The following PSMF1 variants were observed in gnomAD, a reference collection of about 807,000 sequenced individuals.
PSMF1 encodes the protein proteasome inhibitor subunit 1, also known as proteasome inhibitor PI31 subunit.
Under a neutral mutation model 29.3 loss-of-function variants are expected in PSMF1, and 30 were observed. The ratio of observed to expected loss-of-function variants is 1.02; its 90% CI spans 0.77 to 1.39. The LOEUF (loss-of-function observed/expected upper bound fraction) is 1.39, where lower values mean the gene tolerates loss of function less well. PSMF1 is among the 40% of genes most tolerant of loss of function. The pLI, the probability that PSMF1 is intolerant of heterozygous loss-of-function variation, is 0.00. For synonymous variants in PSMF1, 134 were observed against 139.7 expected (o/e 0.96, Z 0.29); for missense variants, 344 against 357.5 (o/e 0.96, Z 0.31).
rs1015347789 is a variant in PSMF1, at chr20:1,170,353, A to G, written c.*5273A>G. ...AGTCAGTCCTCTTGGTTAATGGCAC[A>G]TTATGATTAATGCATGCATGAACTC... On this transcript the variant is annotated 3_prime_UTR_variant, in exon 7 of 7. Transcript: ENST00000335877. Among the ~76,000 whole-genome samples the G allele has an allele frequency of 2.6e-5, 4 of 152,228 alleles. No individual in the cohort carries two copies. The highest frequency in any genetic ancestry group is 9.7e-5 in the African/African-American group (4 of 41,438).
chr20:1,165,726 T>A lies in PSMF1; in HGVS notation c.*646T>A. 9.9e-7 allele frequency: 1 copy of A among 1,006,194 alleles called. No homozygotes were observed. The highest frequency in any genetic ancestry group is 1.2e-6 in the Non-Finnish European group (1 of 841,644). 62.3% of individuals were successfully genotyped at this position (1,006,194 alleles called of 1,614,324 possible). ...ATGACTTTCACAAGGGCAGGAACAT[T>A]GTGGAAAGACTGCATCATTCTGATG... On this transcript the variant is annotated 3_prime_UTR_variant, in exon 7 of 7. Transcript: ENST00000335877.
At chr20:1,139,397 A>T (rs1297630516) in intron 4 of PSMF1, among the ~76,000 whole-genome samples, 1 of 152,198 alleles carries the variant, frequency 6.6e-6, no homozygotes, top group African/African-American at 2.4e-5. Flanking sequence ...CAATCACTCA[A>T]GAAAAATAAG....
At chr20:1,143,400 C>T (rs1799634655) in intron 4 of PSMF1, among the ~76,000 whole-genome samples, 1 of 152,200 alleles carries the variant, frequency 6.6e-6, no homozygotes, top group Non-Finnish European at 1.5e-5. Context: ...GAATGTCTTT[C>T]AGTAGATGAT....
intron 4 of PSMF1, among the ~76,000 whole-genome samples, chr20:1,149,499 G>A (rs2086498817): frequency 1.3e-5 from 2 of 152,170 alleles, no homozygotes; most frequent in Non-Finnish European, 2.9e-5. Flanking sequence ...TTGAAAACTT[G>A]AATTTTCTCA....
Position 1,165,717 on chromosome 20 carries a change from C to G in PSMF1, c.*637C>G. On this transcript the variant is annotated 3_prime_UTR_variant, in exon 7 of 7. Transcript: ENST00000335877. ...GCCACAAGAATGACTTTCACAAGGG[C>G]AGGAACATTGTGGAAAGACTGCATC... 2.0e-6 allele frequency: 2 copies of G among 1,005,280 alleles called. No individual in the cohort carries two copies. Among genetic ancestry groups the G allele is most frequent in the Non-Finnish European group, 1.2e-6 (1 of 841,050 alleles). 62.3% of individuals were successfully genotyped at this position (1,005,280 alleles called of 1,614,324 possible).
Position 1,164,627 on chromosome 20 carries a change from C to A in PSMF1, c.764+151C>A. 9.3e-7 allele frequency: 1 copy of A among 1,075,352 alleles called. No individual in the cohort carries two copies. The highest frequency in any genetic ancestry group is 1.3e-6 in the Non-Finnish European group (1 of 756,024). The allele number at this position is 1,075,352 out of a possible 1,614,324, so 66.6% of individuals were successfully genotyped here. On this transcript the variant is annotated intron_variant, in intron 6 of 6. Transcript: ENST00000335877. This position sits in a 1 kb window ranked among gnomAD's most constrained non-coding sequence, Gnocchi z 4.1. ...AGTGGAGCCTCCTCCAGGGCCCTGC[C>A]TGATTTCTCCCTGGAGCCTTCTAGG... is the stretch of plus-strand genomic sequence containing the variant.
intron 3 of PSMF1, among the ~76,000 whole-genome samples, chr20:1,134,445 C>T (rs1355045144): frequency 1.3e-5 from 2 of 152,078 alleles, no homozygotes; most frequent in African/African-American, 4.8e-5. Flanking sequence ...TATATGATTT[C>T]AGTTATTTTA....
Position 1,118,676 on chromosome 20 carries a change from A to G in PSMF1, c.-98A>G. On this transcript the variant is annotated 5_prime_UTR_variant, in exon 1 of 7. Transcript: ENST00000335877. The stretch of plus-strand genomic sequence containing the variant: ...TGTGGACTCGGCAAGAACCAGCGCA[A>G]GAGGGAAGCAGAGTTATAGCTACCC... 2.8e-6 allele frequency: 4 copies of G among 1,404,052 alleles called. No individual in the cohort carries two copies. The highest frequency in any genetic ancestry group is 2.4e-5 in the East Asian group (1 of 41,954). 87.0% of individuals were successfully genotyped at this position (1,404,052 alleles called of 1,614,324 possible).
At chr20:1,147,833 C>A (rs973583611) in intron 4 of PSMF1, among the ~76,000 whole-genome samples, 5 of 152,182 alleles carry the variant, frequency 3.3e-5, no homozygotes, top group Non-Finnish European at 7.3e-5. Context: ...TCCACCTTTT[C>A]CTTTCTCCCT....
rs146846541 is a variant in PSMF1, at chr20:1,169,057, A to G, written c.*3977A>G. On this transcript the variant is annotated 3_prime_UTR_variant, in exon 7 of 7. Transcript: ENST00000335877. ...TGGCTCTGGAGTTCCTAATCCCCAGATTGTAGCAATGATGATGTGATCCTG... is the reference window on the plus strand; with the variant it reads ...TGGCTCTGGAGTTCCTAATCCCCAGGTTGTAGCAATGATGATGTGATCCTG... Among the ~76,000 whole-genome samples the G allele has an allele frequency of 5.9e-3, 896 of 152,294 alleles. 6 individuals are homozygous for G. Among genetic ancestry groups the G allele is most frequent in the African/African-American group, 0.021 (859 of 41,556 alleles).
chr20:1,130,553 T>G (rs2086215435), intron 3 of PSMF1, among the ~76,000 whole-genome samples: 1 of 152,216 alleles, frequency 6.6e-6, no homozygotes, highest in Non-Finnish European at 1.5e-5. Context: ...CTGTTTATCT[T>G]TTGGTTACCG....
intron 3 of PSMF1, among the ~76,000 whole-genome samples, chr20:1,132,494 C>G (rs1488811882): frequency 2.6e-5 from 4 of 152,038 alleles, no homozygotes; most frequent in African/African-American, 7.2e-5. Context: ...CCAGGATGGT[C>G]TCGATCTCCT....
At chr20:1,147,178 A>G (rs6040140) in intron 4 of PSMF1, among the ~76,000 whole-genome samples, 15,540 of 116,558 alleles carry the variant, frequency 0.13, 873 homozygotes, top group African/African-American at 0.19. Context: ...CATCATCATC[A>G]CCACCCTGTG....
At chr20:1,148,129 G>T (rs1444608339) in intron 4 of PSMF1, among the ~76,000 whole-genome samples, 3 of 152,146 alleles carry the variant, frequency 2.0e-5, no homozygotes, top group African/African-American at 7.2e-5. Context: ...TTGTTTCCCT[G>T]TGTGTGTAGT....
chr20:1,138,362 A>G (rs773170827), intron 4 of PSMF1, among the ~76,000 whole-genome samples: 12 of 152,202 alleles, frequency 7.9e-5, no homozygotes, highest in Admixed American at 1.3e-4. Flanking sequence ...TACCATATCA[A>G]TAGAACAAAG....
intron 2 of PSMF1, 78 bp from the exon 3 acceptor site, chr20:1,127,348 C>T (rs1192786011): frequency 1.8e-6 from 2 of 1,089,738 alleles, no homozygotes. Context: ...AGGTTGAAGA[C>T]TTTGTTACTC....
chr20:1,119,040 A>C, intron 1 of PSMF1, 138 bp downstream of exon 1: 1 of 1,246,338 alleles, frequency 8.0e-7, no homozygotes, highest in Non-Finnish European at 1.1e-6. Context: ...GCGTTGGTAA[A>C]ACCTGCGGGT....
rs2086747451 is a variant in PSMF1 at position 1,167,661 on chromosome 20, T to G, written c.*2581T>G. On this transcript the variant is annotated 3_prime_UTR_variant, in exon 7 of 7. Transcript: ENST00000335877. ...TCATTTCATGTGATGTTTTCAAGAT[T>G]CATTCATGCTGTAGCATGTATCCAT... is the stretch of plus-strand genomic sequence containing the variant. 1 of 152,176 alleles carries G rather than the reference T, an allele frequency of 6.6e-6. No homozygotes were observed. The highest frequency in any genetic ancestry group is 1.5e-5 in the Non-Finnish European group (1 of 68,030). 9.4% of individuals were successfully genotyped at this position (152,176 alleles called of 1,614,324 possible). A position where few individuals can be genotyped will look rare whatever the true frequency, so the allele number is the denominator to read the frequency against.
chr20:1,135,011 A>G (rs1000303394), intron 3 of PSMF1, 110 bp from the exon 4 acceptor site: 4 of 1,089,314 alleles, frequency 3.7e-6, no homozygotes, highest in Non-Finnish European at 5.5e-6. Flanking sequence ...GGCCAAGCGC[A>G]ATGCCAGGAG....
Sources: gnomAD v4.1 joint callset for allele counts (sites outside exome capture counted in the v4.1 genomes callset) on GRCh38, gnomAD v4.1.1 for gene constraint, Gnocchi (gnomAD v3.1) non-coding constraint, MANE v1.5 for transcripts, NCBI Gene and HGNC (gene_info 2026-07-23, HGNC 2026-07-21) for gene names.